Variants in PLCB1 observed in about 807,000 individuals in gnomAD.
PLCB1 encodes the protein 1-phosphatidylinositol 4,5-bisphosphate phosphodiesterase beta-1.
A neutral mutation model predicts 161.8 loss-of-function variants in PLCB1; 46 were observed. The ratio of observed to expected loss-of-function variants is 0.28; its 90% CI spans 0.22 to 0.36. The LOEUF (loss-of-function observed/expected upper bound fraction) is 0.36, where lower values mean the gene tolerates loss of function less well. Among genes scored for constraint, PLCB1 ranks in the 10% least tolerant of loss-of-function variants. PLCB1 has a pLI of 1.00. For missense variants in PLCB1, 1,016 were observed against 1,472.5 expected, an observed-to-expected ratio of 0.69 and a Z score of 5.07; for synonymous variants, 517 against 503.7, an observed-to-expected ratio of 1.03 and a Z score of -0.35.
intron 31 of PLCB1, among the ~76,000 whole-genome samples, chr20:8,867,646 C>T (rs1392780167): frequency 6.6e-6 from 1 of 152,198 alleles, no homozygotes; most frequent in East Asian, 1.9e-4. Flanking sequence ...CCTTGCTCCT[C>T]ATGTGCGGCT....
rs141895823 is a variant in PLCB1, at chr20:8,164,507, C to T, written c.177+14136C>T. On this transcript the variant is annotated intron_variant, in intron 2 of 31. Coordinates refer to ENST00000338037, the MANE Select transcript of PLCB1 (RefSeq NM_015192.4). Reference sequence around the variant, plus strand: ...TACCTTTCAGGTGCTCACTAGCCACCTGTGTCCAGGTGCCATTTCCATCAT... The same window carrying T: ...TACCTTTCAGGTGCTCACTAGCCACTTGTGTCCAGGTGCCATTTCCATCAT... 5.9e-5 allele frequency among the ~76,000 whole-genome samples: 9 copies of T among 152,302 alleles called. No individual in the cohort carries two copies. The East Asian group carries it at 1.7e-3, about 29-fold the overall frequency.
intron 31 of PLCB1, among the ~76,000 whole-genome samples, chr20:8,835,749 A>G (rs904068479): frequency 6.6e-5 from 10 of 151,866 alleles, no homozygotes; most frequent in Non-Finnish European, 7.4e-5. Context: ...CCCACCTCAG[A>G]GGGCACAGGA....
intron 31 of PLCB1, among the ~76,000 whole-genome samples, chr20:8,830,786 G>A (rs777934183): frequency 3.9e-5 from 6 of 152,084 alleles, no homozygotes; most frequent in Non-Finnish European, 7.4e-5. Context: ...TGGGCAGGAT[G>A]TATATTCTAG....
At chr20:8,607,711 G>A (rs1371511687) in intron 3 of PLCB1, among the ~76,000 whole-genome samples, 1 of 152,072 alleles carries the variant, frequency 6.6e-6, no homozygotes, top group Non-Finnish European at 1.5e-5. Context: ...ACAGTTGTGT[G>A]TTTATTGCTC....
chr20:8,736,812 A>G (rs112421182), intron 19 of PLCB1, among the ~76,000 whole-genome samples: 514 of 152,324 alleles, frequency 3.4e-3, no homozygotes, highest in Middle Eastern at 6.8e-3. Flanking sequence ...GAGGATTACA[A>G]TTCAACATGA....
In PLCB1 at chr20:8,579,829, A is replaced by G. The variant is rs556162169; in HGVS notation, c.247-48465A>G. Among the ~76,000 whole-genome samples the G allele has an allele frequency of 2.6e-5, 4 of 151,920 alleles. No homozygotes were observed. The East Asian group carries it at 7.8e-4, about 30-fold the overall frequency. On this transcript the variant is annotated intron_variant, in intron 3 of 31. Transcript: ENST00000338037. ...AGCATGCCGTGCCACAGGGGCCCAC[A>G]TAGGGAAGCACCAGGATCATCAGGA...
intron 2 of PLCB1, among the ~76,000 whole-genome samples, chr20:8,180,628 G>A (rs1246518410): frequency 6.6e-6 from 1 of 152,036 alleles, no homozygotes; most frequent in Non-Finnish European, 1.5e-5. Context: ...ACAGGGGCAT[G>A]TAATATACTT....
intron 1 of PLCB1, among the ~76,000 whole-genome samples, chr20:8,146,800 C>G (rs1600197391): frequency 6.6e-6 from 1 of 152,070 alleles, no homozygotes; most frequent in Non-Finnish European, 1.5e-5. Context: ...TTCTTAATTA[C>G]TATATTAATC....
chr20:8,858,607 A>G (rs1162302118), intron 31 of PLCB1, among the ~76,000 whole-genome samples: 1 of 152,112 alleles, frequency 6.6e-6, no homozygotes, highest in Non-Finnish European at 1.5e-5. Flanking sequence ...GTATGATTCC[A>G]CTGGGGTCAC....
At chr20:8,866,829 G>A (rs1259571374) in intron 31 of PLCB1, among the ~76,000 whole-genome samples, 1 of 152,122 alleles carries the variant, frequency 6.6e-6, no homozygotes, top group Non-Finnish European at 1.5e-5. Flanking sequence ...AGAAACAAAT[G>A]TCTAGTTTCC....
intron 2 of PLCB1, among the ~76,000 whole-genome samples, chr20:8,303,004 G>C (rs1983977651): frequency 6.6e-6 from 1 of 152,180 alleles, no homozygotes; most frequent in East Asian, 1.9e-4. Flanking sequence ...TATGCTGTGA[G>C]GTAGGGATCA....
intron 3 of PLCB1, among the ~76,000 whole-genome samples, chr20:8,385,007 G>A (rs1188919185): frequency 6.6e-6 from 1 of 152,214 alleles, no homozygotes. Context: ...ACCCAGCTGG[G>A]TGGCACAGGG....
intron 4 of PLCB1, among the ~76,000 whole-genome samples, chr20:8,644,725 T>G (rs80244564): frequency 0.96 from 144,258 of 149,556 alleles, 69,571 homozygotes; most frequent in East Asian, 0.99. Flanking sequence ...CCCCCCGCCC[T>G]GCCAGCCGCC....
chr20:8,868,796 C>A (rs943738644), intron 31 of PLCB1, among the ~76,000 whole-genome samples: 1 of 152,038 alleles, frequency 6.6e-6, no homozygotes, highest in Non-Finnish European at 1.5e-5. Context: ...CACACGCAGC[C>A]AGTTTTTTTT....
In PLCB1 at chr20:8,338,061, C is replaced by T. The variant is rs545795490; in HGVS notation, c.178-33321C>T. The stretch of plus-strand genomic sequence containing the variant: ...ACTGTGGTTCTCAGGAAGCCAGAGA[C>T]GTCCAGGATTCAGAGATGTGAAGGC... On this transcript the variant is annotated intron_variant, in intron 2 of 31. Transcript: ENST00000338037. 1.1e-4 allele frequency among the ~76,000 whole-genome samples: 16 copies of T among 152,232 alleles called. No individual in the cohort carries two copies. In the South Asian group the frequency reaches 2.9e-3, roughly 28 times the overall value.
chr20:8,472,768 A>G (rs1459698513), intron 3 of PLCB1, among the ~76,000 whole-genome samples: 6 of 152,184 alleles, frequency 3.9e-5, no homozygotes. Flanking sequence ...AGAGTGCTCG[A>G]TTATGAAAAT....
intron 2 of PLCB1, among the ~76,000 whole-genome samples, chr20:8,311,608 T>C (rs567507042): frequency 2.1e-4 from 32 of 152,340 alleles, no homozygotes; most frequent in Non-Finnish European, 3.8e-4. Context: ...TTCATCTCTA[T>C]TAAACGTATC....
intron 3 of PLCB1, among the ~76,000 whole-genome samples, chr20:8,605,709 T>C (rs1047966623): frequency 6.6e-6 from 1 of 151,746 alleles, no homozygotes; most frequent in African/African-American, 2.4e-5. Context: ...AGTTTCATAA[T>C]GCTGAGGTTT....
intron 2 of PLCB1, among the ~76,000 whole-genome samples, chr20:8,314,394 A>T (rs983173405): frequency 7.2e-5 from 11 of 152,208 alleles, no homozygotes; most frequent in Admixed American, 3.9e-4. Flanking sequence ...ATGGCAAAAT[A>T]TCAGAATATA....
Sources: allele counts gnomAD v4.1 joint callset (sites outside exome capture counted in the v4.1 genomes callset), GRCh38; gene constraint gnomAD v4.1.1; transcripts MANE v1.5; gene names NCBI Gene and HGNC (gene_info 2026-07-23, HGNC 2026-07-21).